The following PRKCA variants were observed in gnomAD, a reference collection of about 807,000 sequenced individuals.
PRKCA encodes protein kinase C alpha type.
A neutral mutation model predicts 87.0 loss-of-function variants in PRKCA; 27 were observed. That is an observed-to-expected ratio of 0.31 (90% CI 0.23 to 0.43). PRKCA has a LOEUF of 0.43. Among genes scored for constraint, PRKCA ranks in the 20% least tolerant of loss-of-function variants. The pLI is 1.00. For missense variants in PRKCA, 518 were observed against 852.3 expected, an observed-to-expected ratio of 0.61 and a Z score of 4.88; for synonymous variants, 329 against 311.1, an observed-to-expected ratio of 1.06 and a Z score of -0.61.
At chr17:66,314,233 T>C (rs1905197877) in intron 2 of PRKCA, among the ~76,000 whole-genome samples, 1 of 152,160 alleles carries the variant, frequency 6.6e-6, no homozygotes, top group African/African-American at 2.4e-5. Context: ...TGACATAAAA[T>C]TAAGGTTTCA....
chr17:66,378,061 G>A (rs564542616), intron 2 of PRKCA, among the ~76,000 whole-genome samples: 3 of 152,252 alleles, frequency 2.0e-5, no homozygotes, highest in East Asian at 3.9e-4. Context: ...GGTGGCTTAC[G>A]CCTGTAATCC....
At chr17:66,563,069 A>G (rs1299279950) in intron 3 of PRKCA, among the ~76,000 whole-genome samples, 2 of 152,088 alleles carry the variant, frequency 1.3e-5, no homozygotes, top group Non-Finnish European at 2.9e-5. Flanking sequence ...GTTATAGGAA[A>G]ATGGAGTGGA....
intron 13 of PRKCA, among the ~76,000 whole-genome samples, chr17:66,752,794 C>G (rs1223836419): frequency 6.6e-6 from 1 of 152,166 alleles, no homozygotes; most frequent in Non-Finnish European, 1.5e-5. Flanking sequence ...CCACTTGTCA[C>G]TGAGCTTCTT....
chr17:66,610,326 C>A (rs913151020), intron 3 of PRKCA, among the ~76,000 whole-genome samples: 1 of 152,198 alleles, frequency 6.6e-6, no homozygotes, highest in African/African-American at 2.4e-5. Context: ...ATCAACAGAG[C>A]TTTCTGAACC....
intron 2 of PRKCA, among the ~76,000 whole-genome samples, chr17:66,333,318 A>G (rs904979432): frequency 1.9e-4 from 29 of 152,202 alleles, no homozygotes; most frequent in African/African-American, 5.8e-4. Flanking sequence ...ATCCCTCTAA[A>G]TGGTGCAAAT....
chr17:66,397,973 C>T (rs557784224), intron 2 of PRKCA: 2 of 152,314 alleles, frequency 1.3e-5, no homozygotes, highest in East Asian at 3.9e-4. Context: ...CTGGCATCTA[C>T]CATCACTGAG....
chr17:66,675,059 C>T (rs1972291306), intron 5 of PRKCA, among the ~76,000 whole-genome samples: 1 of 152,232 alleles, frequency 6.6e-6, no homozygotes, highest in South Asian at 2.1e-4. Flanking sequence ...CGGGACTTCT[C>T]CCAGCTCCAA....
chr17:66,414,291 C>G (rs140641979), intron 2 of PRKCA, among the ~76,000 whole-genome samples: 3 of 152,072 alleles, frequency 2.0e-5, no homozygotes, highest in East Asian at 1.9e-4. Flanking sequence ...TGAGTTCTCA[C>G]GAGATCTGGT....
intron 5 of PRKCA, among the ~76,000 whole-genome samples, chr17:66,682,212 T>C (rs770895798): frequency 6.6e-6 from 1 of 152,218 alleles, no homozygotes; most frequent in Non-Finnish European, 1.5e-5. Context: ...GAATGGGCTT[T>C]ATCCAGAAAT....
At chr17:66,770,137 T>C (rs1015480187) in intron 13 of PRKCA, among the ~76,000 whole-genome samples, 1 of 152,248 alleles carries the variant, frequency 6.6e-6, no homozygotes. Context: ...AGAATGCCAC[T>C]AGAGAAACAG....
chr17:66,713,372 C>T lies in PRKCA; in HGVS notation c.919-19316C>T, dbSNP rs554044008. Among the ~76,000 whole-genome samples the T allele has an allele frequency of 2.0e-5, 3 of 152,078 alleles. No individual in the cohort carries two copies. In the South Asian group the frequency reaches 6.2e-4, roughly 32 times the overall value. On this transcript the variant is annotated intron_variant, in intron 8 of 16. Coordinates refer to ENST00000413366, the MANE Select transcript of PRKCA (RefSeq NM_002737.3). The stretch of plus-strand genomic sequence containing the variant: ...ACCTCATTGTGCTTTCTAAACCACT[C>T]CCGGGCCCCAGTTGGGAGACCCCGG...
chr17:66,627,190 C>T (rs562760238), intron 3 of PRKCA, among the ~76,000 whole-genome samples: 1 of 152,242 alleles, frequency 6.6e-6, no homozygotes, highest in South Asian at 2.1e-4. Flanking sequence ...CAAATGTGCA[C>T]AGTAGGTTTC....
chr17:66,765,416 G>GTCTATCTATATCTATATATCTATATA (rs1555646666), intron 13 of PRKCA, among the ~76,000 whole-genome samples: 3 of 16,038 alleles, frequency 1.9e-4, no homozygotes, highest in African/African-American at 4.4e-4. Context: ...GCAAGACTTT[G>GTCTATCTATATCTATATATCTATATA]TCTATATATA....
chr17:66,757,401 C>T (rs1257733659), intron 13 of PRKCA, among the ~76,000 whole-genome samples: 1 of 152,036 alleles, frequency 6.6e-6, no homozygotes, highest in Non-Finnish European at 1.5e-5. Context: ...ATCCAGGAAG[C>T]TCAAATGACA....
chr17:66,705,880 G>A (rs1289422274), intron 8 of PRKCA, among the ~76,000 whole-genome samples: 1 of 152,156 alleles, frequency 6.6e-6, no homozygotes, highest in Non-Finnish European at 1.5e-5. Context: ...TAGAATAAGG[G>A]TGACACCAAA....
intron 3 of PRKCA, among the ~76,000 whole-genome samples, chr17:66,499,791 A>T (rs747303182): frequency 4.0e-4 from 61 of 152,094 alleles, no homozygotes; most frequent in Non-Finnish European, 7.8e-4. Flanking sequence ...AATGTGAAAG[A>T]GAAAGAGGTA....
chr17:66,510,794 G>A (rs1160051139), intron 3 of PRKCA, among the ~76,000 whole-genome samples: 1 of 152,020 alleles, frequency 6.6e-6, no homozygotes, highest in Admixed American at 6.6e-5. Context: ...CGCCCAAGCT[G>A]GAGTGCAGTG....
At chr17:66,423,458 C>T (rs1208876839) in intron 2 of PRKCA, among the ~76,000 whole-genome samples, 1 of 152,160 alleles carries the variant, frequency 6.6e-6, no homozygotes, top group African/African-American at 2.4e-5. Context: ...AAGGGATTTA[C>T]TAACAATAGT....
At chr17:66,356,589 A>T (rs942189107) in intron 2 of PRKCA, among the ~76,000 whole-genome samples, 1 of 152,166 alleles carries the variant, frequency 6.6e-6, no homozygotes, top group East Asian at 1.9e-4. Flanking sequence ...GTGCCACTGC[A>T]CTCCAACCTG....
Sources: gnomAD v4.1 joint callset for allele counts (sites outside exome capture counted in the v4.1 genomes callset) on GRCh38, gnomAD v4.1.1 for gene constraint, MANE v1.5 for transcripts, NCBI Gene and HGNC (gene_info 2026-07-23, HGNC 2026-07-21) for gene names.